KCNK2: variants seen among roughly 807,000 people sequenced by gnomAD.
KCNK2 encodes potassium two pore domain channel subfamily K member 2.
A neutral mutation model predicts 40.5 loss-of-function variants in KCNK2; 21 were observed. The ratio of observed to expected loss-of-function variants is 0.52; its 90% CI spans 0.37 to 0.75. The LOEUF (loss-of-function observed/expected upper bound fraction) is 0.75. Among genes scored for constraint, KCNK2 ranks in the 30% least tolerant of loss-of-function variants. The probability of loss-of-function intolerance (pLI) is 0.00; values close to 1 mark genes in which losing one functional copy is unlikely to be tolerated. For missense variants in KCNK2, 399 were observed against 531.6 expected, an observed-to-expected ratio of 0.75 and a Z score of 2.45; for synonymous variants, 191 against 202.2, an observed-to-expected ratio of 0.94 and a Z score of 0.47.
At chr1:215,124,472 C>G (rs1304661652) in intron 2 of KCNK2, among the ~76,000 whole-genome samples, 161 bp from the exon 3 acceptor site, 1 of 152,030 alleles carries the variant, frequency 6.6e-6, no homozygotes, top group Non-Finnish European at 1.5e-5. Context: ...ATTAAATTCT[C>G]CAGTATAAAG....
chr1:215,100,555 C>T (rs79800618), intron 2 of KCNK2, among the ~76,000 whole-genome samples: 4,803 of 151,910 alleles, frequency 0.032, 240 homozygotes, highest in African/African-American at 0.11. Flanking sequence ...GGTGACTTTG[C>T]CTCTTTTAGT....
chr1:215,120,104 G>A (rs1392315432), intron 2 of KCNK2, among the ~76,000 whole-genome samples: 1 of 152,108 alleles, frequency 6.6e-6, no homozygotes, highest in Non-Finnish European at 1.5e-5. Flanking sequence ...AATAATTACA[G>A]CTCTGTGATA....
At chr1:215,008,074 C>A (rs567398177) in intron 1 of KCNK2, among the ~76,000 whole-genome samples, 2 of 150,776 alleles carry the variant, frequency 1.3e-5, no homozygotes, top group East Asian at 1.9e-4. Flanking sequence ...AATTCTGGGA[C>A]CTTGACCAAG....
At chr1:215,191,751 C>T (rs1340022011) in intron 5 of KCNK2, among the ~76,000 whole-genome samples, 2 of 152,086 alleles carry the variant, frequency 1.3e-5, no homozygotes, top group Non-Finnish European at 2.9e-5. Context: ...CCAGAAAGCT[C>T]TTAAAATGGA....
chr1:215,012,646 G>GTTTTTTTTT (rs34028242), intron 1 of KCNK2, among the ~76,000 whole-genome samples: 2 of 121,752 alleles, frequency 1.6e-5, no homozygotes, highest in Non-Finnish European at 1.8e-5. Flanking sequence ...TAATTTTTTA[G>GTTTTTTTTT]TTTTTTTTTT....
intron 6 of KCNK2, among the ~76,000 whole-genome samples, chr1:215,220,958 T>G (rs1462238607): frequency 6.6e-6 from 1 of 152,198 alleles, no homozygotes; most frequent in Non-Finnish European, 1.5e-5. Flanking sequence ...CAGTGGTACT[T>G]GTAGAGTTTC....
intron 1 of KCNK2, among the ~76,000 whole-genome samples, chr1:215,057,324 G>A (rs1180576229): frequency 2.6e-5 from 4 of 152,050 alleles, no homozygotes; most frequent in African/African-American, 7.2e-5. Context: ...CCCTGGTTAG[G>A]CATACAACAA....
intron 1 of KCNK2, among the ~76,000 whole-genome samples, chr1:215,064,794 G>T (rs1357896013): frequency 6.6e-6 from 1 of 152,128 alleles, no homozygotes; most frequent in Non-Finnish European, 1.5e-5. Context: ...CCACTCTGAA[G>T]TCCCTATCTT....
chr1:215,172,401 T>C lies in KCNK2; in HGVS notation c.823+218T>C, dbSNP rs1299883366. The stretch of plus-strand genomic sequence containing the variant: ...GGGCCATGATCCCTCTCAGACTCAG[T>C]AGAATTTTTCTTAGCCTCTTCCTAA... On this transcript the variant is annotated intron_variant, in intron 5 of 6. Transcript: ENST00000444842. 4.6e-5 allele frequency among the ~76,000 whole-genome samples: 7 copies of C among 152,084 alleles called. No homozygotes were observed. In the East Asian group the frequency reaches 1.4e-3, roughly 29 times the overall value.
chr1:215,167,423 G>T (rs1457177095), intron 3 of KCNK2, among the ~76,000 whole-genome samples: 2 of 151,600 alleles, frequency 1.3e-5, no homozygotes, highest in Non-Finnish European at 2.9e-5. Context: ...TTAATATGAA[G>T]GACAGTAAGA....
At chr1:215,094,547 C>G (rs1050595605) in intron 2 of KCNK2, among the ~76,000 whole-genome samples, 3 of 152,124 alleles carry the variant, frequency 2.0e-5, no homozygotes, top group African/African-American at 7.2e-5. Context: ...CCACGTGCTA[C>G]TTTCTTAGAG....
At chr1:215,052,998 C>G (rs1472200119) in intron 1 of KCNK2, among the ~76,000 whole-genome samples, 1 of 152,098 alleles carries the variant, frequency 6.6e-6, no homozygotes, top group African/African-American at 2.4e-5. Flanking sequence ...CAATAAGTTA[C>G]TCATTTTCTC....
intron 6 of KCNK2, among the ~76,000 whole-genome samples, chr1:215,195,752 A>G (rs1488150029): frequency 6.6e-6 from 1 of 152,208 alleles, no homozygotes; most frequent in Non-Finnish European, 1.5e-5. Context: ...TTTGGAAATT[A>G]AATTTTGATT....
At chr1:215,121,268 T>C (rs1296254768) in intron 2 of KCNK2, among the ~76,000 whole-genome samples, 1 of 152,078 alleles carries the variant, frequency 6.6e-6, no homozygotes, top group Non-Finnish European at 1.5e-5. Flanking sequence ...CCCTCAGAGG[T>C]TTGTTAAGAT....
At chr1:215,184,930 T>C (rs1664371614) in intron 5 of KCNK2, among the ~76,000 whole-genome samples, 1 of 152,166 alleles carries the variant, frequency 6.6e-6, no homozygotes, top group Admixed American at 6.6e-5. Flanking sequence ...CTAAACAATA[T>C]TATATTTGTG....
chr1:215,104,127 A>G (rs1236897919), intron 2 of KCNK2, among the ~76,000 whole-genome samples: 1 of 152,062 alleles, frequency 6.6e-6, no homozygotes, highest in Admixed American at 6.6e-5. Context: ...TGCATGTAAC[A>G]TTCAAAGGCA....
intron 1 of KCNK2, among the ~76,000 whole-genome samples, chr1:215,052,482 A>C (rs577809355): frequency 1.3e-5 from 2 of 152,322 alleles, no homozygotes; most frequent in Non-Finnish European, 2.9e-5. Flanking sequence ...TTGGAATTTC[A>C]GCTTTCAAGA....
intron 1 of KCNK2, among the ~76,000 whole-genome samples, chr1:215,041,685 C>G (rs1657568683): frequency 6.6e-6 from 1 of 152,048 alleles, no homozygotes; most frequent in Non-Finnish European, 1.5e-5. Context: ...GGATTGTGCA[C>G]AAAATTAAGA....
At chr1:215,060,825 T>G (rs892886984) in intron 1 of KCNK2, among the ~76,000 whole-genome samples, 1 of 152,124 alleles carries the variant, frequency 6.6e-6, no homozygotes, top group Admixed American at 6.5e-5. Flanking sequence ...TATAAAAATA[T>G]GAAAGAATAA....
Sources: allele counts gnomAD v4.1 joint callset (sites outside exome capture counted in the v4.1 genomes callset), GRCh38; gene constraint gnomAD v4.1.1; transcripts MANE v1.5; gene names NCBI Gene and HGNC (gene_info 2026-07-23, HGNC 2026-07-21).